PDE4D: variants seen among roughly 807,000 people sequenced by gnomAD.
The protein encoded by PDE4D is 3',5'-cyclic-AMP phosphodiesterase 4D.
A neutral mutation model predicts 87.4 loss-of-function variants in PDE4D; 24 were observed. That is an observed-to-expected ratio of 0.27 (90% CI 0.20 to 0.39). PDE4D has a LOEUF of 0.39. Among genes scored for constraint, PDE4D ranks in the 10% least tolerant of loss-of-function variants. PDE4D has a pLI of 1.00. For missense variants in PDE4D, 714 were observed against 1,041.0 expected (o/e 0.69, Z 4.32); for synonymous variants, 384 against 383.2 (o/e 1.00, Z -0.02).
intron 1 of PDE4D, chr5:60,429,972 G>C: frequency 1.9e-6 from 1 of 518,992 alleles, no homozygotes; most frequent in Non-Finnish European, 3.9e-6. Flanking sequence ...CCAAAGTATA[G>C]AGCTTGTTTG....
intron 2 of PDE4D, among the ~76,000 whole-genome samples, chr5:60,045,972 C>T (rs541217929): frequency 3.4e-4 from 52 of 152,218 alleles, no homozygotes; most frequent in African/African-American, 1.1e-3. Context: ...GCCATTTTCA[C>T]GATATTGATT....
At chr5:60,069,438 T>C (rs1772474143) in intron 2 of PDE4D, among the ~76,000 whole-genome samples, 1 of 152,218 alleles carries the variant, frequency 6.6e-6, no homozygotes, top group African/African-American at 2.4e-5. Flanking sequence ...TTTCTGTTGT[T>C]ATAAGCTACC....
At chr5:60,276,569 C>A (rs964753966) in intron 1 of PDE4D, among the ~76,000 whole-genome samples, 28 of 152,182 alleles carry the variant, frequency 1.8e-4, no homozygotes, top group African/African-American at 6.3e-4. Context: ...TCAAATAAGA[C>A]ACCCAGCTGT....
chr5:59,693,026 G>C (rs972119575), intron 1 of PDE4D, among the ~76,000 whole-genome samples: 12 of 151,992 alleles, frequency 7.9e-5, no homozygotes, highest in Non-Finnish European at 1.6e-4. Context: ...TCAGATTTGT[G>C]CACATTAATT....
intron 1 of PDE4D, among the ~76,000 whole-genome samples, chr5:59,634,157 A>G (rs902250171): frequency 6.6e-6 from 1 of 152,230 alleles, no homozygotes; most frequent in Non-Finnish European, 1.5e-5. Flanking sequence ...ACATATTGGT[A>G]AAGGGTTCAA....
intron 1 of PDE4D, among the ~76,000 whole-genome samples, chr5:60,431,750 G>A (rs1212600343): frequency 3.9e-5 from 6 of 152,304 alleles, no homozygotes; most frequent in African/African-American, 4.8e-5. Context: ...GTAGCGAGCC[G>A]AGATCACACC....
rs572917036 is a variant in PDE4D, at chr5:59,363,611, C to T, written c.456-147643G>A. On this transcript the variant is annotated intron_variant, in intron 1 of 14. Transcript: ENST00000340635. Reference sequence around the variant, plus strand: ...ACATGTTACTTAATCTTCCAACTCACGAGCAGACATTATTATCACCACTTT... The same window carrying T: ...ACATGTTACTTAATCTTCCAACTCATGAGCAGACATTATTATCACCACTTT... Among the ~76,000 whole-genome samples, 9 of 152,286 alleles carry T rather than the reference C, an allele frequency of 5.9e-5. No individual in the cohort carries two copies. The East Asian group carries it at 1.5e-3, about 26-fold the overall frequency.
chr5:59,771,474 A>AGAG lies in PDE4D; in HGVS notation c.455+121693_455+121694insCTC, dbSNP rs1491463938. 1.6e-3 allele frequency among the ~76,000 whole-genome samples: 157 copies of AGAG among 97,820 alleles called. 1 individual carries two copies. The highest frequency in any genetic ancestry group is 5.2e-3 in the African/African-American group (129 of 24,598). 64.2% of individuals were successfully genotyped at this position (97,820 alleles called of 152,430 possible). A position where few individuals can be genotyped will look rare whatever the true frequency, so the allele number is the denominator to read the frequency against. On this transcript the variant is annotated intron_variant, in intron 1 of 14. Transcript: ENST00000340635. ...GAAAGAAAGAAAGAAAGAAAGAAAGAAAGAAAGAAAGAGAGAGAGAGAGAG... is the reference window on the plus strand; with the variant it reads ...GAAAGAAAGAAAGAAAGAAAGAAAGAGAGAAGAAAGAAAGAGAGAGAGAGAGAG...
chr5:59,888,869 T>C (rs1477780802), intron 1 of PDE4D, among the ~76,000 whole-genome samples: 1 of 152,060 alleles, frequency 6.6e-6, no homozygotes, highest in Non-Finnish European at 1.5e-5. Context: ...GAAAACCTAA[T>C]TTCTTTTATT....
intron 1 of PDE4D, among the ~76,000 whole-genome samples, chr5:60,497,929 G>A (rs968152507): frequency 5.3e-5 from 8 of 152,070 alleles, no homozygotes; most frequent in Admixed American, 5.2e-4. Flanking sequence ...CATAACATAT[G>A]TTCCAAGAAG....
chr5:59,067,486 C>G (rs1350107698), intron 5 of PDE4D, among the ~76,000 whole-genome samples: 1 of 152,116 alleles, frequency 6.6e-6, no homozygotes, highest in Non-Finnish European at 1.5e-5. Flanking sequence ...AGTAAGTTAC[C>G]TATACCTTAT....
intron 1 of PDE4D, among the ~76,000 whole-genome samples, chr5:59,744,038 G>A (rs1403492411): frequency 6.6e-6 from 1 of 152,136 alleles, no homozygotes; most frequent in Non-Finnish European, 1.5e-5. Context: ...AATGCTTAAT[G>A]TCAGCTTGTT....
At chr5:59,467,961 GGTTTT>G (rs1306206664) in intron 1 of PDE4D, among the ~76,000 whole-genome samples, 1 of 147,518 alleles carries the variant, frequency 6.8e-6, no homozygotes, top group African/African-American at 2.7e-5. Context: ...TAAAAATACT[GGTTTT>G]TTTTTCTAAT....
At chr5:59,956,856 A>C (rs1455220011) in intron 3 of PDE4D, among the ~76,000 whole-genome samples, 9 of 152,222 alleles carry the variant, frequency 5.9e-5, no homozygotes, top group African/African-American at 2.2e-4. Context: ...AAATTGAAAC[A>C]AATTTTGAGA....
intron 6 of PDE4D, among the ~76,000 whole-genome samples, chr5:59,014,816 A>T: frequency 6.6e-6 from 1 of 152,160 alleles, no homozygotes; most frequent in African/African-American, 2.4e-5. Context: ...CATTGCCAAG[A>T]CAATCCTAAG....
At chr5:60,484,665 T>C (rs1748994440) in intron 1 of PDE4D, among the ~76,000 whole-genome samples, 1 of 152,268 alleles carries the variant, frequency 6.6e-6, no homozygotes, top group Middle Eastern at 3.4e-3. Context: ...GGAGCTTCAA[T>C]GGGAGCTTAA....
chr5:59,917,253 T>C (rs542049607), intron 3 of PDE4D, among the ~76,000 whole-genome samples: 16 of 152,302 alleles, frequency 1.1e-4, no homozygotes, highest in African/African-American at 3.1e-4. Flanking sequence ...GTCACAGGCT[T>C]GATTCTGATC....
chr5:59,409,544 A>T (rs1005147298), intron 1 of PDE4D, among the ~76,000 whole-genome samples: 1 of 151,986 alleles, frequency 6.6e-6, no homozygotes, highest in Non-Finnish European at 1.5e-5. Context: ...GCTCTCTGAG[A>T]TCTAGTTGTT....
At chr5:59,692,949 A>G (rs112340295) in intron 1 of PDE4D, among the ~76,000 whole-genome samples, 207 of 152,280 alleles carry the variant, frequency 1.4e-3, no homozygotes, top group African/African-American at 4.6e-3. Flanking sequence ...GGGACAGACA[A>G]GTATTCAAAT....
Sources: gnomAD v4.1 joint callset for allele counts (sites outside exome capture counted in the v4.1 genomes callset) on GRCh38, gnomAD v4.1.1 for gene constraint, MANE v1.5 for transcripts, NCBI Gene and HGNC (gene_info 2026-07-23, HGNC 2026-07-21) for gene names.